PTCH1: variants seen among roughly 807,000 people sequenced by gnomAD.
PTCH1 encodes protein patched homolog 1.
A neutral mutation model predicts 144.6 loss-of-function variants in PTCH1; 14 were observed. The ratio of observed to expected loss-of-function variants is 0.10; its 90% CI spans 0.06 to 0.15. PTCH1 has a LOEUF of 0.15. PTCH1 is among the 10% of genes least tolerant of loss of function. PTCH1 has a pLI of 1.00. For missense variants in PTCH1, 1,623 were observed against 1,948.3 expected (o/e 0.83, Z 3.14); for synonymous variants, 833 against 793.6 (o/e 1.05, Z -0.83).
At chr9:95,506,986 G>A (rs1843718905) in intron 1 of PTCH1, 1 of 1,001,470 alleles carries the variant, frequency 1.0e-6, no homozygotes, top group South Asian at 4.6e-5. Flanking sequence ...TGGAGCCCAA[G>A]GTTCAGGAGC....
chr9:95,444,061 G>A lies in PTCH1; in HGVS notation c.*2332C>T, dbSNP rs1347505782. 6.6e-6 allele frequency: 1 copy of A among 150,834 alleles called. No individual in the cohort carries two copies. 9.3% of individuals were successfully genotyped at this position (150,834 alleles called of 1,614,324 possible). On this transcript the variant is annotated 3_prime_UTR_variant, in exon 24 of 24. Coordinates refer to ENST00000331920, the MANE Select transcript of PTCH1 (RefSeq NM_000264.5). ...ATAAACTGGCATGACAAATACTGTA[G>A]AGGAAAACATTCTTATGATACAAAA... is the stretch of plus-strand genomic sequence containing the variant.
At chr9:95,469,967 TGCCTCCGCCCAATCAGA>T (rs1313005778) in intron 12 of PTCH1, 36 bp from the exon 13 acceptor site, 3 of 1,441,554 alleles carry the variant, frequency 2.1e-6, no homozygotes. Flanking sequence ...GTCACCAACA[TGCCTCCGCCCAATCAGA>T]GGACTGCTTC....
At chr9:95,515,372 TA>T (rs1235401446) in intron 1 of PTCH1, among the ~76,000 whole-genome samples, 2 of 152,108 alleles carry the variant, frequency 1.3e-5, no homozygotes, top group Non-Finnish European at 2.9e-5. Flanking sequence ...GAAGAAAGGA[TA>T]AAAAGGGAGG....
intron 2 of PTCH1, among the ~76,000 whole-genome samples, chr9:95,498,691 T>G (rs560646961): frequency 1.3e-5 from 2 of 152,306 alleles, no homozygotes; most frequent in East Asian, 3.9e-4. Context: ...AGTATTATCA[T>G]AAGCACCCAA....
intron 12 of PTCH1, among the ~76,000 whole-genome samples, chr9:95,475,003 G>C (rs960831786): frequency 6.6e-6 from 1 of 152,150 alleles, no homozygotes; most frequent in Non-Finnish European, 1.5e-5. Context: ...TTGAGGTTTT[G>C]AAATTTGAAA....
At chr9:95,471,690 G>A (rs566517219) in intron 12 of PTCH1, among the ~76,000 whole-genome samples, 1 of 152,376 alleles carries the variant, frequency 6.6e-6, no homozygotes, top group African/African-American at 2.4e-5. Flanking sequence ...TCAGTGGGGT[G>A]GAGGGGTGGT....
At chr9:95,465,134 G>C (rs376440506) in intron 15 of PTCH1, among the ~76,000 whole-genome samples, 1 of 151,762 alleles carries the variant, frequency 6.6e-6, no homozygotes, top group African/African-American at 2.4e-5. Context: ...AGGAAGAAAC[G>C]TATAGAGATG....
intron 20 of PTCH1, chr9:95,451,837 TA>T (rs1838484042): frequency 6.6e-6 from 1 of 152,200 alleles, no homozygotes; most frequent in Admixed American, 6.5e-5. Flanking sequence ...AAGGAAAAGC[TA>T]AAATCAAACT....
intron 2 of PTCH1, among the ~76,000 whole-genome samples, chr9:95,501,340 T>C (rs997735594): frequency 1.3e-5 from 2 of 152,068 alleles, no homozygotes; most frequent in African/African-American, 4.8e-5. Context: ...CAACAGAGGA[T>C]GATCCAGCCC....
At chr9:95,494,402 A>G in intron 2 of PTCH1, 1 of 985,466 alleles carries the variant, frequency 1.0e-6, no homozygotes, top group Non-Finnish European at 1.2e-6. Flanking sequence ...CCCCTTCTTC[A>G]TTGGTTACTT....
chr9:95,485,576 G>T, intron 3 of PTCH1, 109 bp downstream of exon 3: 1 of 1,289,018 alleles, frequency 7.8e-7, no homozygotes, highest in Non-Finnish European at 1.1e-6. Context: ...AATACTCCAG[G>T]TGCATTTCCA....
chr9:95,508,025 C>T, intron 1 of PTCH1, 136 bp downstream of exon 1: 2 of 1,526,760 alleles, frequency 1.3e-6, no homozygotes, highest in South Asian at 1.2e-5. Context: ...GCTGCTTTTC[C>T]TGGAGAGGTG....
chr9:95,482,221 A>G lies in PTCH1; in HGVS notation c.585-18T>C. On this transcript the variant is annotated intron_variant, in intron 3 of 23. Transcript: ENST00000331920. Reference sequence around the variant, plus strand: ...TCCACTGCCTAATAAAATGAAAAGCAGAGACAAAAATTTCTCACTGTAATA... The same window carrying G: ...TCCACTGCCTAATAAAATGAAAAGCGGAGACAAAAATTTCTCACTGTAATA... 6.2e-7 allele frequency: 1 copy of G among 1,611,196 alleles called. No individual in the cohort carries two copies. Among genetic ancestry groups the G allele is most frequent in the Non-Finnish European group, 8.5e-7 (1 of 1,177,588 alleles).
chr9:95,447,675 C>T (rs935674026), intron 22 of PTCH1, among the ~76,000 whole-genome samples: 3 of 152,228 alleles, frequency 2.0e-5, no homozygotes, highest in Non-Finnish European at 2.9e-5. Context: ...TTCTCTGACA[C>T]GGCTGGCTGG....
rs1840109067 is a variant in PTCH1 at position 95,467,385 on chromosome 9, C to A, written c.2291G>T (p.Ser764Ile). ...IFLFLGLLGVSLYGTTRVRDG... is the reference protein window; with the variant it reads ...IFLFLGLLGVILYGTTRVRDG... ...TCTCACTCGGGTGGTGCCATAAAGG[C>A]TGACCCCCAGCAAGCCCAGAAAAAG... Residue 764 changes from serine to isoleucine, a missense_variant, in exon 15 of 24, where the codon AGC (serine) becomes ATC (isoleucine). Ser to Ile is a moderately radical substitution (Grantham distance 142). Around this residue, in one of 7 missense-constraint regions of PTCH1, gnomAD observed 504 missense variants for 679.3 expected, o/e 0.74. Coordinates refer to ENST00000331920, the MANE Select transcript of PTCH1 (RefSeq NM_000264.5). The A allele has an allele frequency of 6.2e-7, 1 of 1,614,080 alleles. No individual in the cohort carries two copies. The highest frequency in any genetic ancestry group is 8.5e-7 in the Non-Finnish European group (1 of 1,180,040).
Position 95,493,805 on chromosome 9 carries a change from A to C in PTCH1, c.395-7931T>G, listed in dbSNP as rs1042679422. Among the ~76,000 whole-genome samples the C allele has an allele frequency of 3.9e-5, 6 of 152,046 alleles. No homozygotes were observed. In the East Asian group the frequency reaches 5.8e-4, roughly 15 times the overall value. ...CTCTTTTTTATAATCGAAAAACAAA[A>C]AAAAAAGAAAATTCAGTAATGTGAG... is the stretch of plus-strand genomic sequence containing the variant. On this transcript the variant is annotated intron_variant, in intron 2 of 23. Transcript: ENST00000331920.
At chr9:95,509,292 G>A (rs1436258940), upstream of PTCH1, among the ~76,000 whole-genome samples, 1 of 152,192 alleles carries the variant, frequency 6.6e-6, no homozygotes, top group Admixed American at 6.5e-5. Flanking sequence ...GAGCGAAAGA[G>A]AAAAAGGCTG....
At position 95,445,315 on chromosome 9, in the gene PTCH1, T is replaced by TC. The variant is rs1489203220; in HGVS notation, c.*1077dup. ...GAATTTGGGGGTGTTGGGGGAGGGG[T>TC]CGTGTGTGTGTTGGTCAGAAGAGGG... On this transcript the variant is annotated 3_prime_UTR_variant, in exon 24 of 24. Transcript: ENST00000331920. 6.6e-6 allele frequency: 1 copy of TC among 151,716 alleles called. No homozygotes were observed. The highest frequency in any genetic ancestry group is 1.9e-4 in the East Asian group (1 of 5,154). The allele number at this position is 151,716 out of a possible 1,614,324, so 9.4% of individuals were successfully genotyped here. A position where few individuals can be genotyped will look rare whatever the true frequency, so the allele number is the denominator to read the frequency against.
Position 95,446,289 on chromosome 9 carries a change from A to G in PTCH1, c.*104T>C. ...ATGAACTGCTGTCCTGGCACAGGGC[A>G]TCTTTTCCATAACTCCAACCAGTTC... On this transcript the variant is annotated 3_prime_UTR_variant, in exon 24 of 24. Transcript: ENST00000331920. 4.1e-6 allele frequency: 2 copies of G among 492,062 alleles called. No individual in the cohort carries two copies. Among genetic ancestry groups the G allele is most frequent in the South Asian group, 2.9e-5 (2 of 68,200 alleles). 30.5% of individuals were successfully genotyped at this position (492,062 alleles called of 1,614,324 possible).
Sources: gnomAD v4.1 joint callset for allele counts (sites outside exome capture counted in the v4.1 genomes callset) on GRCh38, gnomAD v4.1.1 for gene constraint, gnomAD v4.1.1 regional missense constraint, MANE v1.5 for transcripts, NCBI Gene and HGNC (gene_info 2026-07-23, HGNC 2026-07-21) for gene names.